CTNNBL1: variants seen among roughly 807,000 people sequenced by gnomAD.
CTNNBL1 encodes catenin beta like 1.
CTNNBL1 carries 31 observed loss-of-function variants against 72.7 expected under a neutral mutation model. The ratio of observed to expected loss-of-function variants is 0.43; its 90% confidence interval spans 0.32 to 0.58. CTNNBL1 has a LOEUF of 0.58. Ranked by LOEUF, CTNNBL1 falls within the 20% of genes least tolerant of loss-of-function variation. The probability of loss-of-function intolerance (pLI) is 0.08; values close to 1 mark genes in which losing one functional copy is unlikely to be tolerated. For synonymous variants in CTNNBL1, 240 were observed against 267.3 expected (o/e 0.90, Z 1.00); for missense variants, 534 against 725.1 (o/e 0.74, Z 3.03).
chr20:37,871,806 G>A (rs1600543556), intron 15 of CTNNBL1, 119 bp from the exon 16 acceptor site: 2 of 811,846 alleles, frequency 2.5e-6, no homozygotes, highest in East Asian at 5.1e-5. Context: ...CTACAGTGGG[G>A]GCATTAGGGC....
At chr20:37,843,400 C>T (rs1465467774) in intron 13 of CTNNBL1, among the ~76,000 whole-genome samples, 2 of 152,216 alleles carry the variant, frequency 1.3e-5, no homozygotes, top group Non-Finnish European at 2.9e-5. Context: ...GCTAAGGCTA[C>T]CGTGTTGCAC....
At chr20:37,769,668 G>A (rs1004028495) in intron 7 of CTNNBL1, among the ~76,000 whole-genome samples, 1 of 152,260 alleles carries the variant, frequency 6.6e-6, no homozygotes, top group African/African-American at 2.4e-5. Context: ...CCAAAGGTGT[G>A]ATGGGAGGCA....
intron 3 of CTNNBL1, among the ~76,000 whole-genome samples, chr20:37,738,139 C>T (rs1004488845): frequency 2.0e-5 from 3 of 152,210 alleles, no homozygotes; most frequent in South Asian, 4.1e-4. Context: ...GAAGACTGAT[C>T]GTGCCTGCCG....
chr20:37,855,222 AT>A (rs1430597941), intron 13 of CTNNBL1, among the ~76,000 whole-genome samples: 5 of 149,522 alleles, frequency 3.3e-5, no homozygotes. Flanking sequence ...GCATGCTCTT[AT>A]CTCCTCTGCT....
At chr20:37,768,745 A>G (rs533263606) in intron 7 of CTNNBL1, among the ~76,000 whole-genome samples, 1 of 152,232 alleles carries the variant, frequency 6.6e-6, no homozygotes, top group African/African-American at 2.4e-5. Context: ...TTAATTTCTT[A>G]CTGTGCCTAA....
At chr20:37,870,080 G>A (rs772136272) in intron 15 of CTNNBL1, among the ~76,000 whole-genome samples, 4 of 151,532 alleles carry the variant, frequency 2.6e-5, no homozygotes, top group East Asian at 1.9e-4. Flanking sequence ...AAGAAATGGC[G>A]TCTTAAGGAT....
chr20:37,770,167 C>G (rs2122672907), intron 7 of CTNNBL1, among the ~76,000 whole-genome samples: 1 of 152,354 alleles, frequency 6.6e-6, no homozygotes, highest in East Asian at 1.9e-4. Flanking sequence ...TTTGCAACTT[C>G]CTTTTGACCT....
intron 1 of CTNNBL1, among the ~76,000 whole-genome samples, chr20:37,697,548 AC>A (rs1284967529): frequency 6.6e-6 from 1 of 152,208 alleles, no homozygotes; most frequent in African/African-American, 2.4e-5. Flanking sequence ...TAGGCATGTG[AC>A]AAGACTATGT....
At chr20:37,722,473 AAAATAAATAAATAAATAAATAAATAAAT>A (rs60211876) in intron 1 of CTNNBL1, among the ~76,000 whole-genome samples, 1 of 142,192 alleles carries the variant, frequency 7.0e-6, no homozygotes, top group African/African-American at 2.6e-5. Context: ...GGCTCCGTCT[AAAATAAATAAATAAATAAATAAATAAAT>A]AAATAAATAA....
At position 37,841,599 on chromosome 20, in the gene CTNNBL1, A is replaced by G. The variant is rs74808685; in HGVS notation, c.1312-740A>G. Among the ~76,000 whole-genome samples the G allele has an allele frequency of 5.4e-3, 816 of 152,276 alleles. 29 individuals are homozygous for G. In the East Asian group the frequency reaches 0.11, roughly 20 times the overall value. ...ATCAGCACCTGGGTAAATGAATGCC[A>G]GAGTTGCCAAGGGCTGTGGTGGTGC... On this transcript the variant is annotated intron_variant, in intron 12 of 15. Coordinates refer to ENST00000361383, the MANE Select transcript of CTNNBL1 (RefSeq NM_030877.5).
At chr20:37,863,861 C>T (rs779055699) in intron 15 of CTNNBL1, among the ~76,000 whole-genome samples, 1 of 152,184 alleles carries the variant, frequency 6.6e-6, no homozygotes, top group East Asian at 1.9e-4. Flanking sequence ...AGGCCCCAAA[C>T]ATCACGCTGG....
At chr20:37,767,206 A>AG (rs1002671486) in intron 6 of CTNNBL1, among the ~76,000 whole-genome samples, 2 of 152,154 alleles carry the variant, frequency 1.3e-5, no homozygotes, top group African/African-American at 2.4e-5. Context: ...ACGGATTGGA[A>AG]GGGGGGCTGA....
intron 1 of CTNNBL1, among the ~76,000 whole-genome samples, chr20:37,722,565 A>G (rs977339574): frequency 3.3e-5 from 5 of 152,184 alleles, no homozygotes; most frequent in African/African-American, 9.6e-5. Context: ...GCAGTCATTA[A>G]GAGAAATTGA....
chr20:37,842,461 C>T, intron 13 of CTNNBL1, 42 bp downstream of exon 13: 1 of 1,425,296 alleles, frequency 7.0e-7, no homozygotes, highest in Non-Finnish European at 9.9e-7. Context: ...TTGACTTGCC[C>T]TCCGTTTGGG....
rs193095155 is a variant in CTNNBL1, at chr20:37,773,523, C to T, written c.751-3822C>T. Among the ~76,000 whole-genome samples the T allele has an allele frequency of 2.5e-3, 377 of 152,306 alleles. 5 individuals carry two copies. Among genetic ancestry groups the T allele is most frequent in the Non-Finnish European group, 1.3e-3 (89 of 68,030 alleles). On this transcript the variant is annotated intron_variant, in intron 7 of 15. Coordinates refer to ENST00000361383, the MANE Select transcript of CTNNBL1 (RefSeq NM_030877.5). ...AGAGAGCCCTACAAGTTCCAAGTCCCGCTGATTAACTTTGCAAAATCCAAG... is the reference window on the plus strand; with the variant it reads ...AGAGAGCCCTACAAGTTCCAAGTCCTGCTGATTAACTTTGCAAAATCCAAG...
intron 2 of CTNNBL1, among the ~76,000 whole-genome samples, chr20:37,734,068 GA>G (rs1182020101): frequency 1.3e-5 from 2 of 152,128 alleles, no homozygotes; most frequent in Admixed American, 6.6e-5. Flanking sequence ...TGTTCAATAT[GA>G]ATTATGGAAA....
At position 37,796,523 on chromosome 20, in the gene CTNNBL1, T is replaced by C. The variant is rs563766217; in HGVS notation, c.1032-6344T>C. ...CTTGTTACCCCATTTTGGCCCAGAG[T>C]GGAAGTCCAGCAGTATATGACACTT... On this transcript the variant is annotated intron_variant, in intron 10 of 15. Transcript: ENST00000361383. Among the ~76,000 whole-genome samples the C allele has an allele frequency of 1.6e-3, 236 of 150,576 alleles. 1 individual carries two copies. Among genetic ancestry groups the C allele is most frequent in the African/African-American group, 5.6e-3 (229 of 40,888 alleles).
intron 1 of CTNNBL1, chr20:37,727,324 A>G (rs2073093433): frequency 2.0e-6 from 2 of 984,646 alleles, no homozygotes; most frequent in African/African-American, 3.5e-5. Flanking sequence ...AGACACGCAC[A>G]CACACAGGCA....
At chr20:37,845,330 A>C (rs1219569663) in intron 13 of CTNNBL1, among the ~76,000 whole-genome samples, 1 of 152,206 alleles carries the variant, frequency 6.6e-6, no homozygotes, top group African/African-American at 2.4e-5. Context: ...TATTATCAGC[A>C]TTGAAGAGGG....
Sources: allele counts gnomAD v4.1 joint callset (sites outside exome capture counted in the v4.1 genomes callset), GRCh38; gene constraint gnomAD v4.1.1; transcripts MANE v1.5; gene names NCBI Gene and HGNC (gene_info 2026-07-23, HGNC 2026-07-21).